The following CSF2RA variants were observed in gnomAD, a reference collection of about 807,000 sequenced individuals.
CSF2RA encodes colony stimulating factor 2 receptor subunit alpha.
Under a neutral mutation model 51.6 loss-of-function variants are expected in CSF2RA, and 42 were observed. The observed-to-expected ratio is 0.81, with a 90% CI of 0.64 to 1.05. The LOEUF (loss-of-function observed/expected upper bound fraction) is 1.05. Ranked by LOEUF, CSF2RA falls within the 50% of genes least tolerant of loss-of-function variation. CSF2RA has a pLI of 0.00. For missense variants in CSF2RA, 530 were observed against 501.1 expected (o/e 1.06, Z -0.55); for synonymous variants, 222 against 193.0 (o/e 1.15, Z -1.24).
chrX:1,316,098 T>C, the CSF2RA span, among the ~76,000 whole-genome samples: 4 of 151,340 alleles, frequency 2.6e-5, no homozygotes, highest in African/African-American at 7.3e-5. Flanking sequence ...AATGGATAGA[T>C]AGACACATAG....
rs139300047 is a variant in CSF2RA at position 1,305,371 on chromosome X, C to T, written c.1044-75C>T. ...CAGACACCCCGCACGCAGCATCCCT[C>T]GGCACAGGGCGTTGATGGAAGGAAC... On this transcript the variant is annotated intron_variant, in intron 11 of 12. Coordinates refer to ENST00000381529, the MANE Select transcript of CSF2RA (RefSeq NM_172245.4). 6.8e-4 allele frequency: 1,047 copies of T among 1,529,338 alleles called. 6 individuals carry two copies. In the African/African-American group the frequency reaches 7.6e-3, roughly 11 times the overall value. The allele number at this position is 1,529,338 out of a possible 1,614,324, so 94.7% of individuals were successfully genotyped here.
chrX:1,314,775 C>G (rs746906242), downstream of CSF2RA, among the ~76,000 whole-genome samples: 15 of 19,092 alleles, frequency 7.9e-4, no homozygotes, highest in Non-Finnish European at 1.1e-3. Context: ...CTGCCCAATC[C>G]CACTGCACCT....
the CSF2RA span, among the ~76,000 whole-genome samples, chrX:1,320,758 G>A: frequency 7.4e-5 from 11 of 148,908 alleles, no homozygotes; most frequent in African/African-American, 2.7e-4. Flanking sequence ...TGATCCGCCC[G>A]CCTCAGCCTC....
chrX:1,315,841 T>C, the CSF2RA span, among the ~76,000 whole-genome samples: 1 of 150,276 alleles, frequency 6.7e-6, no homozygotes, highest in African/African-American at 2.5e-5. Context: ...AATGGATAAA[T>C]AGATGGATAG....
intron 12 of CSF2RA, among the ~76,000 whole-genome samples, chrX:1,308,842 A>G (rs1409655798): frequency 2.6e-5 from 4 of 152,242 alleles, no homozygotes; most frequent in Middle Eastern, 3.4e-3. Flanking sequence ...TACCCTGCCC[A>G]GGTTTCATGC....
Position 1,300,614 on chromosome X carries a change from G to A in CSF2RA, c.934G>A (p.Ala312Thr), listed in dbSNP as rs758894441. Residue 312 changes from alanine to threonine, a missense_variant, in exon 10 of 13, where the codon GCC (alanine) becomes ACC (threonine). Coordinates refer to ENST00000381529, the MANE Select transcript of CSF2RA (RefSeq NM_172245.4). ...RILNWSSWSE[A>T]IEFGSDDGNL... ...CTTGAATTGGAGCTCCTGGAGTGAAGCCATTGAATTTGGTAAGCGTTGGGC... is the reference window on the plus strand; with the variant it reads ...CTTGAATTGGAGCTCCTGGAGTGAAACCATTGAATTTGGTAAGCGTTGGGC... 6.2e-7 allele frequency: 1 copy of A among 1,613,892 alleles called. No homozygotes were observed. The highest frequency in any genetic ancestry group is 8.5e-7 in the Non-Finnish European group (1 of 1,179,852).
chrX:1,323,072 T>G, the CSF2RA span, among the ~76,000 whole-genome samples: 2 of 151,638 alleles, frequency 1.3e-5, no homozygotes, highest in Non-Finnish European at 2.9e-5. Context: ...GAGGTTGCAG[T>G]GAGCCGAGAT....
the CSF2RA span, among the ~76,000 whole-genome samples, chrX:1,319,035 A>C: frequency 6.7e-6 from 1 of 149,358 alleles, no homozygotes; most frequent in Non-Finnish European, 1.5e-5. Context: ...TTGGTCTGTC[A>C]CCCAGGCTGG....
chrX:1,303,804 C>T, intron 10 of CSF2RA, 119 bp from the exon 11 acceptor site: 12 of 918,108 alleles, frequency 1.3e-5, no homozygotes, highest in South Asian at 1.0e-4. Context: ...TTGCTGGGCC[C>T]AGTTCTCAGC....
rs770456175 is a variant in CSF2RA, at chrX:1,288,240, G to A, written c.220-279G>A. 2.0e-5 allele frequency among the ~76,000 whole-genome samples: 3 copies of A among 148,524 alleles called. No individual in the cohort carries two copies. In the South Asian group the frequency reaches 6.6e-4, roughly 32 times the overall value. ...CTCACGCCTGTAATCCCAGCACTTT[G>A]GGAGGCCGAGGCGGGTGGATCACCT... On this transcript the variant is annotated intron_variant, in intron 4 of 12. Coordinates refer to ENST00000381529, the MANE Select transcript of CSF2RA (RefSeq NM_172245.4).
At chrX:1,312,339 G>C (rs1352891353), downstream of CSF2RA, among the ~76,000 whole-genome samples, 12 of 152,228 alleles carry the variant, frequency 7.9e-5, no homozygotes, top group African/African-American at 2.4e-4. Flanking sequence ...CTTCCATAGA[G>C]AGCATTCTGT....
chrX:1,301,331 CAA>C (rs1156943650), intron 10 of CSF2RA, among the ~76,000 whole-genome samples: 15,625 of 61,366 alleles, frequency 0.25, 364 homozygotes, highest in Middle Eastern at 0.34. Context: ...GACTCTGTCT[CAA>C]AAAAAAAAAA....
intron 9 of CSF2RA, 30 bp downstream of exon 9, chrX:1,295,486 C>A (rs369089209): frequency 6.2e-7 from 1 of 1,613,038 alleles, no homozygotes; most frequent in Admixed American, 1.7e-5. Flanking sequence ...CTACTGACAA[C>A]CCTCAGCGTA....
intron 1 of CSF2RA, among the ~76,000 whole-genome samples, chrX:1,269,205 A>G (rs746907171): frequency 6.6e-6 from 1 of 152,276 alleles, no homozygotes; most frequent in Non-Finnish European, 1.5e-5. Context: ...TGGTTTACAG[A>G]AAAAAACAAT....
chrX:1,324,776 C>T, the CSF2RA span, among the ~76,000 whole-genome samples: 285 of 152,132 alleles, frequency 1.9e-3, no homozygotes, highest in African/African-American at 6.6e-3. Flanking sequence ...TGTGGACGCA[C>T]GCAGGGAAAG....
intron 12 of CSF2RA, 134 bp from the exon 13 acceptor site, chrX:1,309,268 T>G: frequency 2.2e-6 from 2 of 904,548 alleles, no homozygotes; most frequent in Non-Finnish European, 3.6e-6. Flanking sequence ...TGAGCTGAGA[T>G]GACACCACTG....
At chrX:1,272,526 C>T (rs1215180189) in intron 1 of CSF2RA, among the ~76,000 whole-genome samples, 13 of 151,470 alleles carry the variant, frequency 8.6e-5, no homozygotes, top group Non-Finnish European at 1.5e-4. Context: ...CTCACTCTGC[C>T]GCCCAGGCTG....
intron 12 of CSF2RA, among the ~76,000 whole-genome samples, chrX:1,306,428 C>T (rs1337055104): frequency 5.9e-5 from 9 of 151,826 alleles, no homozygotes; most frequent in African/African-American, 2.2e-4. Flanking sequence ...GGGTGGATCA[C>T]TTGAGGTCGG....
rs1181413156 is a variant in CSF2RA at position 1,288,659 on chromosome X, A to G, written c.343+17A>G. ...CAAATTCAGGTAAGCAAGACAGCTC[A>G]GGGATCCGTTTACAGCACTGGCCCC... On this transcript the variant is annotated intron_variant, in intron 5 of 12. Transcript: ENST00000381529. 6.2e-7 allele frequency: 1 copy of G among 1,613,856 alleles called. No homozygotes were observed. Among genetic ancestry groups the G allele is most frequent in the Non-Finnish European group, 8.5e-7 (1 of 1,179,866 alleles).
Sources: gnomAD v4.1 joint callset for allele counts (sites outside exome capture counted in the v4.1 genomes callset) on GRCh38, gnomAD v4.1.1 for gene constraint, MANE v1.5 for transcripts, NCBI Gene and HGNC (gene_info 2026-07-23, HGNC 2026-07-21) for gene names.